COL8A1: variants seen among roughly 807,000 people sequenced by gnomAD.
COL8A1 encodes collagen type VIII alpha 1 chain, also known as collagen alpha-1(VIII) chain.
Under a neutral mutation model 42.7 loss-of-function variants are expected in COL8A1, and 21 were observed. The observed-to-expected ratio is 0.49, with a 90% CI of 0.35 to 0.71. The LOEUF is 0.71. Among genes scored for constraint, COL8A1 ranks in the 30% least tolerant of loss-of-function variants. The pLI, the probability that COL8A1 is intolerant of heterozygous loss-of-function variation, is 0.01. For synonymous variants in COL8A1, 367 were observed against 369.1 expected, an observed-to-expected ratio of 0.99 and a Z score of 0.06; for missense variants, 788 against 962.4, an observed-to-expected ratio of 0.82 and a Z score of 2.40.
At chr3:99,738,013 C>G (rs1010115604) in intron 1 of COL8A1, among the ~76,000 whole-genome samples, 12 of 151,988 alleles carry the variant, frequency 7.9e-5, no homozygotes, top group South Asian at 2.1e-4. Flanking sequence ...TCCAGTTGAT[C>G]GCATCGGCTC....
chr3:99,654,225 G>A (rs1459213774), intron 1 of COL8A1, among the ~76,000 whole-genome samples: 1 of 152,164 alleles, frequency 6.6e-6, no homozygotes, highest in African/African-American at 2.4e-5. Flanking sequence ...GCTGGCAGTT[G>A]ATTAGATGGT....
At chr3:99,651,044 T>G (rs1937829801) in intron 1 of COL8A1, among the ~76,000 whole-genome samples, 1 of 152,222 alleles carries the variant, frequency 6.6e-6, no homozygotes, top group African/African-American at 2.4e-5. Context: ...ATATCTGTAA[T>G]TTTAATAATA....
chr3:99,722,357 T>C (rs980612848), intron 1 of COL8A1, among the ~76,000 whole-genome samples: 1 of 152,080 alleles, frequency 6.6e-6, no homozygotes, highest in Non-Finnish European at 1.5e-5. Flanking sequence ...TAGGCAATAA[T>C]AAACTGCAAA....
chr3:99,671,086 T>C (rs1012630145), intron 1 of COL8A1, among the ~76,000 whole-genome samples: 1 of 151,820 alleles, frequency 6.6e-6, no homozygotes, highest in Non-Finnish European at 1.5e-5. Flanking sequence ...ATCAAAATCC[T>C]CAAGGAAAAA....
chr3:99,765,956 G>A (rs1301978677), intron 2 of COL8A1, among the ~76,000 whole-genome samples: 2 of 152,012 alleles, frequency 1.3e-5, no homozygotes, highest in African/African-American at 4.8e-5. Context: ...CTAATATATA[G>A]TATTTATATA....
At chr3:99,723,338 C>T (rs1576448193) in intron 1 of COL8A1, among the ~76,000 whole-genome samples, 2 of 152,002 alleles carry the variant, frequency 1.3e-5, no homozygotes, top group Non-Finnish European at 2.9e-5. Context: ...GAGGTAGAGA[C>T]CTGCCTGGAA....
chr3:99,777,586 G>C (rs1042726022), intron 2 of COL8A1, among the ~76,000 whole-genome samples: 1 of 152,100 alleles, frequency 6.6e-6, no homozygotes, highest in African/African-American at 2.4e-5. Flanking sequence ...GACTGAGCTG[G>C]GTCTCTTTAT....
At chr3:99,688,030 C>T (rs562739010) in intron 1 of COL8A1, among the ~76,000 whole-genome samples, 1 of 152,320 alleles carries the variant, frequency 6.6e-6, no homozygotes, top group South Asian at 2.1e-4. Flanking sequence ...TGCAAAATCC[C>T]AAAATGCCTC....
chr3:99,761,195 T>C (rs1941358373), intron 2 of COL8A1, among the ~76,000 whole-genome samples: 2 of 152,192 alleles, frequency 1.3e-5, no homozygotes, highest in South Asian at 4.1e-4. Flanking sequence ...ACACTATACG[T>C]CTGATATAAA....
chr3:99,711,256 CAA>C (rs900728386), intron 1 of COL8A1, among the ~76,000 whole-genome samples: 1 of 152,024 alleles, frequency 6.6e-6, no homozygotes, highest in Non-Finnish European at 1.5e-5. Flanking sequence ...AAACAACAAA[CAA>C]GAGAAAGCCC....
intron 2 of COL8A1, among the ~76,000 whole-genome samples, chr3:99,777,885 A>G (rs1254835817): frequency 6.6e-6 from 1 of 152,228 alleles, no homozygotes; most frequent in Non-Finnish European, 1.5e-5. Flanking sequence ...TTATTGCTAC[A>G]TAAGGGAAAG....
At chr3:99,708,752 T>C (rs563174134) in intron 1 of COL8A1, among the ~76,000 whole-genome samples, 29 of 152,278 alleles carry the variant, frequency 1.9e-4, no homozygotes, top group Non-Finnish European at 4.0e-4. Context: ...ATTTTCTAAT[T>C]ATAACACCAA....
At chr3:99,752,463 C>T (rs1399888223) in intron 2 of COL8A1, among the ~76,000 whole-genome samples, 4 of 151,976 alleles carry the variant, frequency 2.6e-5, no homozygotes, top group South Asian at 2.1e-4. Context: ...TATTTTATGG[C>T]GCCATGTGCT....
At chr3:99,765,880 A>G (rs1941455175) in intron 2 of COL8A1, among the ~76,000 whole-genome samples, 1 of 152,232 alleles carries the variant, frequency 6.6e-6, no homozygotes, top group South Asian at 2.1e-4. Context: ...AATTTCAGAA[A>G]AGTGTACTAA....
At chr3:99,785,873 C>T (rs919803256) in intron 2 of COL8A1, among the ~76,000 whole-genome samples, 4 of 152,098 alleles carry the variant, frequency 2.6e-5, no homozygotes. Context: ...GCCACCCAGT[C>T]TGAGATACTT....
chr3:99,726,050 A>G (rs974421833), intron 1 of COL8A1, among the ~76,000 whole-genome samples: 1 of 152,102 alleles, frequency 6.6e-6, no homozygotes, highest in Non-Finnish European at 1.5e-5. Flanking sequence ...AAGTGTTCCT[A>G]TTTCTCCACA....
chr3:99,732,042 C>A (rs914154998), intron 1 of COL8A1, among the ~76,000 whole-genome samples: 5 of 152,274 alleles, frequency 3.3e-5, no homozygotes, highest in Middle Eastern at 3.4e-3. Flanking sequence ...CTAGAACCCT[C>A]AGAGGGGGCA....
chr3:99,710,874 A>T (rs1939815293), intron 1 of COL8A1, among the ~76,000 whole-genome samples: 1 of 152,158 alleles, frequency 6.6e-6, no homozygotes, highest in African/African-American at 2.4e-5. Flanking sequence ...TTCTGCTTAA[A>T]ATCATAATAT....
intron 1 of COL8A1, among the ~76,000 whole-genome samples, chr3:99,722,839 G>T (rs1940194994): frequency 6.6e-6 from 1 of 152,018 alleles, no homozygotes; most frequent in Non-Finnish European, 1.5e-5. Flanking sequence ...CATTCTTATA[G>T]ACTATTATGA....
Sources: gnomAD v4.1 joint callset for allele counts (sites outside exome capture counted in the v4.1 genomes callset) on GRCh38, gnomAD v4.1.1 for gene constraint, MANE v1.5 for transcripts, NCBI Gene and HGNC (gene_info 2026-07-23, HGNC 2026-07-21) for gene names.